KCNIP1: variants seen among roughly 807,000 people sequenced by gnomAD.
The protein encoded by KCNIP1 is potassium voltage-gated channel interacting protein 1, also known as A-type potassium channel modulatory protein KCNIP1.
KCNIP1 carries 18 observed loss-of-function variants against 33.0 expected under a neutral mutation model. The ratio of observed to expected loss-of-function variants is 0.55; its 90% CI spans 0.38 to 0.81. The LOEUF is 0.81. Ranked by LOEUF, KCNIP1 falls within the 30% of genes least tolerant of loss-of-function variation. The pLI, the probability that KCNIP1 is intolerant of heterozygous loss-of-function variation, is 0.00. For missense variants in KCNIP1, 238 were observed against 271.6 expected (o/e 0.88, Z 0.87); for synonymous variants, 93 against 98.3 (o/e 0.95, Z 0.32).
At chr5:170,465,949 A>T (rs1180594758) in intron 1 of KCNIP1, among the ~76,000 whole-genome samples, 2 of 152,196 alleles carry the variant, frequency 1.3e-5, no homozygotes, top group Non-Finnish European at 2.9e-5. Context: ...CAGAAAGCCC[A>T]TGTTTGTAAC....
At chr5:170,618,557 G>GGGAGGAAAGGAGGGA in intron 1 of KCNIP1, among the ~76,000 whole-genome samples, 1 of 135,210 alleles carries the variant, frequency 7.4e-6, no homozygotes, top group Non-Finnish European at 1.6e-5. Flanking sequence ...GAGGGAGGGA[G>GGGAGGAAAGGAGGGA]GGAGGGAGGG....
Position 170,561,361 on chromosome 5 carries a change from C to G in KCNIP1, c.61+56728C>G, listed in dbSNP as rs144804094. Reference sequence around the variant, plus strand: ...ACCGTGACTGAAGAGTGTGCAGGGTCCAAAGAGGCTAAAGTGGCTTTAAGA... The same window carrying G: ...ACCGTGACTGAAGAGTGTGCAGGGTGCAAAGAGGCTAAAGTGGCTTTAAGA... On this transcript the variant is annotated intron_variant, in intron 1 of 7. Coordinates refer to ENST00000328939, the MANE Select transcript of KCNIP1 (RefSeq NM_014592.4). Among the ~76,000 whole-genome samples, 270 of 152,158 alleles carry G rather than the reference C, an allele frequency of 1.8e-3. 2 individuals are homozygous for G. Among genetic ancestry groups the G allele is most frequent in the African/African-American group, 6.0e-3 (249 of 41,494 alleles).
chr5:170,475,412 C>G (rs11958584), intron 1 of KCNIP1, among the ~76,000 whole-genome samples: 1,669 of 152,306 alleles, frequency 0.011, 38 homozygotes, highest in African/African-American at 0.038. Context: ...TTGCTTCTGT[C>G]TAGAAGAGGA....
At chr5:170,523,269 CAG>C in intron 1 of KCNIP1, among the ~76,000 whole-genome samples, 1 of 152,356 alleles carries the variant, frequency 6.6e-6, no homozygotes, top group East Asian at 1.9e-4. Context: ...TTGCGTGCTG[CAG>C]AGAGCTGTCC....
At chr5:170,730,292 T>G (rs1277364251) in intron 5 of KCNIP1, among the ~76,000 whole-genome samples, 1 of 152,182 alleles carries the variant, frequency 6.6e-6, no homozygotes, top group Non-Finnish European at 1.5e-5. Context: ...TGAATAAACT[T>G]ACTAGTGCCT....
At chr5:170,633,237 T>TG (rs1420580909) in intron 1 of KCNIP1, among the ~76,000 whole-genome samples, 5 of 151,360 alleles carry the variant, frequency 3.3e-5, no homozygotes, top group African/African-American at 1.2e-4. Flanking sequence ...CCCTCCGAAG[T>TG]GGGAGGAGGA....
At chr5:170,532,738 C>T (rs1370681488) in intron 1 of KCNIP1, among the ~76,000 whole-genome samples, 1 of 152,138 alleles carries the variant, frequency 6.6e-6, no homozygotes, top group Non-Finnish European at 1.5e-5. Context: ...GGAGTGTCTG[C>T]CTCCCCCTGC....
intron 1 of KCNIP1, among the ~76,000 whole-genome samples, chr5:170,688,389 C>T (rs1380452699): frequency 6.6e-6 from 1 of 152,312 alleles, no homozygotes; most frequent in South Asian, 2.1e-4. Flanking sequence ...TATTTTGGTA[C>T]ATTTAGGTTG....
At chr5:170,447,114 T>C (rs1051213425) in intron 1 of KCNIP1, among the ~76,000 whole-genome samples, 2 of 152,218 alleles carry the variant, frequency 1.3e-5, no homozygotes, top group African/African-American at 4.8e-5. Flanking sequence ...AGAGTAGGAA[T>C]TCAAAAACAT....
intron 1 of KCNIP1, among the ~76,000 whole-genome samples, chr5:170,552,807 G>T (rs1435781972): frequency 2.0e-5 from 3 of 152,260 alleles, no homozygotes; most frequent in Admixed American, 6.5e-5. Flanking sequence ...CAGCCGTGCT[G>T]CAGGGCAGGA....
chr5:170,582,063 A>G (rs1260799790), intron 1 of KCNIP1, among the ~76,000 whole-genome samples: 10 of 152,230 alleles, frequency 6.6e-5, no homozygotes, highest in African/African-American at 2.4e-4. Context: ...CCATTTATGG[A>G]GAATCCACCC....
chr5:170,673,451 C>A (rs1761999886), intron 1 of KCNIP1, among the ~76,000 whole-genome samples: 1 of 152,236 alleles, frequency 6.6e-6, no homozygotes, highest in Non-Finnish European at 1.5e-5. Context: ...TGACGTAGGT[C>A]TACCATGGTT....
chr5:170,685,187 T>C (rs1156830948), intron 1 of KCNIP1, among the ~76,000 whole-genome samples: 1 of 151,916 alleles, frequency 6.6e-6, no homozygotes, highest in Non-Finnish European at 1.5e-5. Context: ...GGACATCAAA[T>C]ACTTTCCATC....
chr5:170,430,041 T>C (rs1406413363), intron 1 of KCNIP1, among the ~76,000 whole-genome samples: 1 of 152,204 alleles, frequency 6.6e-6, no homozygotes, highest in East Asian at 1.9e-4. Context: ...ATTTCACCAC[T>C]TATTCCTCTT....
chr5:170,592,167 G>A (rs950283017), intron 1 of KCNIP1, among the ~76,000 whole-genome samples: 1 of 152,190 alleles, frequency 6.6e-6, no homozygotes, highest in Admixed American at 6.5e-5. Flanking sequence ...TGGGTGTGAA[G>A]TTGTTTCTCA....
chr5:170,378,801 G>A, intron 1 of KCNIP1: 1 of 1,614,224 alleles, frequency 6.2e-7, no homozygotes. Flanking sequence ...CCAGAAGAGG[G>A]AGAAGAGGAG....
chr5:170,727,400 A>C (rs984316582), intron 5 of KCNIP1, among the ~76,000 whole-genome samples: 5 of 152,322 alleles, frequency 3.3e-5, no homozygotes, highest in African/African-American at 1.2e-4. Context: ...GGGTGGATAC[A>C]TTTGTCAACA....
chr5:170,546,294 A>G (rs185432395), intron 1 of KCNIP1, among the ~76,000 whole-genome samples: 94 of 152,300 alleles, frequency 6.2e-4, no homozygotes, highest in African/African-American at 2.2e-3. Flanking sequence ...CTCTCATGGA[A>G]TGTTGTCTCC....
chr5:170,525,188 G>A (rs913433086), intron 1 of KCNIP1, among the ~76,000 whole-genome samples: 11 of 152,208 alleles, frequency 7.2e-5, no homozygotes, highest in South Asian at 4.1e-4. Flanking sequence ...AGCTGTGTCC[G>A]TAGGTGAGAC....
Sources: gnomAD v4.1 joint callset for allele counts (sites outside exome capture counted in the v4.1 genomes callset) on GRCh38, gnomAD v4.1.1 for gene constraint, MANE v1.5 for transcripts, NCBI Gene and HGNC (gene_info 2026-07-23, HGNC 2026-07-21) for gene names.